VWC2: variants seen among roughly 807,000 people sequenced by gnomAD.
VWC2 encodes the protein von Willebrand factor C domain containing 2.
A neutral mutation model predicts 29.8 loss-of-function variants in VWC2; 14 were observed. The ratio of observed to expected loss-of-function variants is 0.47; its 90% CI spans 0.31 to 0.74. The LOEUF is 0.74. Among genes scored for constraint, VWC2 ranks in the 30% least tolerant of loss-of-function variants. The pLI is 0.05. For synonymous variants in VWC2, 213 were observed against 199.0 expected (o/e 1.07, Z -0.59); for missense variants, 457 against 459.8 (o/e 0.99, Z 0.05).
intron 3 of VWC2, among the ~76,000 whole-genome samples, chr7:49,877,481 A>AAAAAATATATATATATATATATATAT: frequency 7.9e-5 from 1 of 12,722 alleles, no homozygotes; most frequent in African/African-American, 2.8e-4. Context: ...AAAAAAAAAA[A>AAAAAATATATATATATATATATATAT]ATATATATAT....
chr7:49,814,351 C>G (rs924853835), intron 3 of VWC2, among the ~76,000 whole-genome samples: 2 of 152,112 alleles, frequency 1.3e-5, no homozygotes, highest in African/African-American at 4.8e-5. Context: ...GTACTCCGAT[C>G]TTTTCATTTC....
intron 3 of VWC2, among the ~76,000 whole-genome samples, chr7:49,869,342 G>C (rs1791037873): frequency 6.6e-6 from 1 of 152,172 alleles, no homozygotes; most frequent in Non-Finnish European, 1.5e-5. Context: ...AAGTAATACT[G>C]AACAAGGTCT....
chr7:49,844,105 G>A (rs1443470812), intron 3 of VWC2, among the ~76,000 whole-genome samples: 2 of 152,212 alleles, frequency 1.3e-5, no homozygotes, highest in Non-Finnish European at 2.9e-5. Flanking sequence ...GATGGCAACA[G>A]GTGGATGAAT....
At position 49,913,820 on chromosome 7, in the gene VWC2, T is replaced by C. The variant is rs192886185; in HGVS notation, c.*1635T>C. On this transcript the variant is annotated 3_prime_UTR_variant, in exon 4 of 4. Coordinates refer to ENST00000340652, the MANE Select transcript of VWC2 (RefSeq NM_198570.5). The stretch of plus-strand genomic sequence containing the variant: ...AAGACTGAATAACATTCAAGAAAAA[T>C]GGATACATCTATCATAATTGAAAAA... 3.7e-4 allele frequency: 57 copies of C among 152,210 alleles called. No individual in the cohort carries two copies. The highest frequency in any genetic ancestry group is 3.4e-3 in the Admixed American group (52 of 15,288). The allele number at this position is 152,210 out of a possible 1,614,324, so 9.4% of individuals were successfully genotyped here.
intron 3 of VWC2, among the ~76,000 whole-genome samples, chr7:49,844,593 AGATT>A (rs1331955196): frequency 6.6e-6 from 1 of 152,242 alleles, no homozygotes; most frequent in Non-Finnish European, 1.5e-5. Context: ...GCAGCATGGA[AGATT>A]GTGAGAGCCC....
rs1872137 is a variant in VWC2 at position 49,912,620 on chromosome 7, C to A, written c.*435C>A. 118,829 of 155,486 alleles carry A rather than the reference C, an allele frequency of 0.76. 45,601 individuals carry two copies. Among genetic ancestry groups the A allele is most frequent in the East Asian group, 0.88 (4,683 of 5,292 alleles). The allele number at this position is 155,486 out of a possible 1,614,324, so 9.6% of individuals were successfully genotyped here. The stretch of plus-strand genomic sequence containing the variant: ...GTTCCCCCTGCACATTTTCACAGGG[C>A]AGAGTCACGCATGAATGGATCATAA... On this transcript the variant is annotated 3_prime_UTR_variant, in exon 4 of 4. Coordinates refer to ENST00000340652, the MANE Select transcript of VWC2 (RefSeq NM_198570.5).
chr7:49,854,247 G>A (rs1158084317), intron 3 of VWC2, among the ~76,000 whole-genome samples: 1 of 152,012 alleles, frequency 6.6e-6, no homozygotes, highest in Admixed American at 6.6e-5. Context: ...GGATGGCTGG[G>A]TCAAATGGTA....
chr7:49,804,675 C>A (rs1583639313), intron 3 of VWC2, among the ~76,000 whole-genome samples: 1 of 151,982 alleles, frequency 6.6e-6, no homozygotes, highest in Admixed American at 6.6e-5. Context: ...AAATTTCAAA[C>A]CTACAGAAAA....
At chr7:49,789,005 C>G (rs1788382223) in intron 2 of VWC2, among the ~76,000 whole-genome samples, 1 of 130,096 alleles carries the variant, frequency 7.7e-6, no homozygotes, top group Admixed American at 7.6e-5. Context: ...TGGGTGCATG[C>G]TTGAAAGTGT....
At chr7:49,811,445 C>T (rs777404827) in intron 3 of VWC2, among the ~76,000 whole-genome samples, 2 of 152,216 alleles carry the variant, frequency 1.3e-5, no homozygotes, top group Non-Finnish European at 2.9e-5. Flanking sequence ...TCACTCTGCA[C>T]TTTTCCTTGC....
chr7:49,845,264 A>G (rs1163799779), intron 3 of VWC2, among the ~76,000 whole-genome samples: 1 of 151,860 alleles, frequency 6.6e-6, no homozygotes, highest in Non-Finnish European at 1.5e-5. Flanking sequence ...CATACACTGC[A>G]CATGTACCCT....
rs1794007635 is a variant in VWC2 at position 49,921,344 on chromosome 7, G to T, written c.*9159G>T. The T allele has an allele frequency of 6.6e-6, 1 of 152,140 alleles. No individual in the cohort carries two copies. 9.4% of individuals were successfully genotyped at this position (152,140 alleles called of 1,614,324 possible). A position where few individuals can be genotyped will look rare whatever the true frequency, so the allele number is the denominator to read the frequency against. On this transcript the variant is annotated 3_prime_UTR_variant, in exon 4 of 4. Transcript: ENST00000340652. ...CTTACTCCATAGCTATAGAGACATA[G>T]TCTCTAGAAACAAAGGCCAGAGCAT...
At chr7:49,807,328 C>T (rs939561989) in intron 3 of VWC2, among the ~76,000 whole-genome samples, 17 of 152,294 alleles carry the variant, frequency 1.1e-4, no homozygotes, top group African/African-American at 3.4e-4. Context: ...AAGCTAAAGA[C>T]TGGCTTGAGA....
chr7:49,853,995 G>C (rs1790310611), intron 3 of VWC2, among the ~76,000 whole-genome samples: 1 of 151,622 alleles, frequency 6.6e-6, no homozygotes, highest in Admixed American at 6.6e-5. Context: ...ATAGTTTGCT[G>C]AGAATGATGG....
intron 3 of VWC2, among the ~76,000 whole-genome samples, chr7:49,806,098 AC>A (rs1562712674): frequency 1.3e-5 from 2 of 151,126 alleles, no homozygotes; most frequent in Non-Finnish European, 2.9e-5. Context: ...TTTAAATTCC[AC>A]CCCCCCACAA....
At chr7:49,877,559 C>A (rs530221940) in intron 3 of VWC2, among the ~76,000 whole-genome samples, 11 of 118,854 alleles carry the variant, frequency 9.3e-5, no homozygotes, top group African/African-American at 3.1e-4. Flanking sequence ...CCTTTGTCTT[C>A]CTTTTTTTTA....
Position 49,917,311 on chromosome 7 carries a change from T to C in VWC2, c.*5126T>C, listed in dbSNP as rs1333180040. The stretch of plus-strand genomic sequence containing the variant: ...GCTATTCTAGCCTTAACACAAAGAT[T>C]TGGCTAATTTTTAAATGAACAAATC... On this transcript the variant is annotated 3_prime_UTR_variant, in exon 4 of 4. Transcript: ENST00000340652. 1.3e-5 allele frequency: 2 copies of C among 152,170 alleles called. No homozygotes were observed. Among genetic ancestry groups the C allele is most frequent in the East Asian group, 1.9e-4 (1 of 5,200 alleles). 9.4% of individuals were successfully genotyped at this position (152,170 alleles called of 1,614,324 possible). A position where few individuals can be genotyped will look rare whatever the true frequency, so the allele number is the denominator to read the frequency against.
At chr7:49,787,604 C>T (rs552642275) in intron 2 of VWC2, among the ~76,000 whole-genome samples, 3 of 152,246 alleles carry the variant, frequency 2.0e-5, no homozygotes, top group African/African-American at 4.8e-5. Context: ...TTCTTTCTCA[C>T]GTGGGGCAGA....
chr7:49,868,300 G>A (rs1242609477), intron 3 of VWC2, among the ~76,000 whole-genome samples: 7 of 152,090 alleles, frequency 4.6e-5, no homozygotes, highest in Admixed American at 2.0e-4. Flanking sequence ...TTTTAAAGCC[G>A]AGACTTGTTT....
Sources: allele counts gnomAD v4.1 joint callset (sites outside exome capture counted in the v4.1 genomes callset), GRCh38; gene constraint gnomAD v4.1.1; transcripts MANE v1.5; gene names NCBI Gene and HGNC (gene_info 2026-07-23, HGNC 2026-07-21).